The following PDE1C variants were observed in gnomAD, a reference collection of about 807,000 sequenced individuals.
The protein encoded by PDE1C is dual specificity calcium/calmodulin-dependent 3',5'-cyclic nucleotide phosphodiesterase 1C.
A neutral mutation model predicts 93.1 loss-of-function variants in PDE1C; 62 were observed. That is an observed-to-expected ratio of 0.67 (90% CI 0.54 to 0.82). The LOEUF (loss-of-function observed/expected upper bound fraction) is 0.82. PDE1C is among the 40% of genes least tolerant of loss of function. The pLI is 0.00. For synonymous variants in PDE1C, 325 were observed against 310.1 expected (o/e 1.05, Z -0.50); for missense variants, 742 against 884.6 (o/e 0.84, Z 2.04).
At chr7:31,878,605 G>C (rs1030903471) in intron 4 of PDE1C, among the ~76,000 whole-genome samples, 21 of 152,106 alleles carry the variant, frequency 1.4e-4, no homozygotes, top group African/African-American at 5.1e-4. Flanking sequence ...GAAGTGTCTT[G>C]GGGACTTCAA....
the PDE1C span, among the ~76,000 whole-genome samples, chr7:31,665,979 T>C: frequency 5.9e-5 from 9 of 152,274 alleles, no homozygotes; most frequent in South Asian, 1.9e-3. Context: ...TGGAAAAACC[T>C]AAAGATTAGG....
At chr7:32,257,802 C>T (rs558916725) in intron 1 of PDE1C, among the ~76,000 whole-genome samples, 1 of 152,226 alleles carries the variant, frequency 6.6e-6, no homozygotes, top group Admixed American at 6.5e-5. Flanking sequence ...CCAGCAAGGG[C>T]TCTGCCTGGT....
intron 2 of PDE1C, among the ~76,000 whole-genome samples, chr7:31,890,692 CT>C (rs1160153605): frequency 6.6e-6 from 1 of 152,102 alleles, no homozygotes; most frequent in Non-Finnish European, 1.5e-5. Flanking sequence ...ATTTCTACTT[CT>C]TTTTTCTTTT....
At chr7:31,869,084 A>G (rs1795629498) in intron 6 of PDE1C, among the ~76,000 whole-genome samples, 1 of 152,118 alleles carries the variant, frequency 6.6e-6, no homozygotes, top group Non-Finnish European at 1.5e-5. Context: ...ATCTACCATC[A>G]TGAAAATGCA....
chr7:32,397,290 G>A (rs1327580022), intron 1 of PDE1C, among the ~76,000 whole-genome samples: 1 of 152,010 alleles, frequency 6.6e-6, no homozygotes, highest in East Asian at 1.9e-4. Context: ...AAAAAAATAA[G>A]TAAAAGACAT....
In PDE1C at chr7:32,255,963, T is replaced by C. The variant is rs1585037105; in HGVS notation, c.85+42688A>G. Among the ~76,000 whole-genome samples the C allele has an allele frequency of 2.0e-5, 3 of 152,282 alleles. No homozygotes were observed. The South Asian group carries it at 6.2e-4, about 32-fold the overall frequency. ...GACACAATCCCACATGTGTTTTGGA[T>C]AAAGCACTGCAGCAACTGTGTGCAG... On this transcript the variant is annotated intron_variant, in intron 1 of 18. Coordinates refer to the PDE1C transcript ENST00000396193.
At chr7:31,926,632 T>C (rs925295510) in intron 2 of PDE1C, among the ~76,000 whole-genome samples, 1 of 151,916 alleles carries the variant, frequency 6.6e-6, no homozygotes, top group Non-Finnish European at 1.5e-5. Flanking sequence ...GTGCAGCCCA[T>C]AGTGGGCCAG....
chr7:31,643,952 C>T, the PDE1C span: 1 of 1,603,602 alleles, frequency 6.2e-7, no homozygotes, highest in Non-Finnish European at 8.5e-7. Flanking sequence ...GAGCTATGTT[C>T]CGTAAGTGTT....
chr7:31,643,869 G>T, the PDE1C span: 1 of 1,613,890 alleles, frequency 6.2e-7, no homozygotes, highest in Non-Finnish European at 8.5e-7. Context: ...GGCACTGCCT[G>T]TGTTCACTAA....
chr7:31,909,358 T>C (rs1800960938), intron 2 of PDE1C, among the ~76,000 whole-genome samples: 1 of 152,168 alleles, frequency 6.6e-6, no homozygotes, highest in South Asian at 2.1e-4. Flanking sequence ...CTTTACATAC[T>C]TAATAGGTGC....
chr7:32,313,681 C>G, intron 1 of PDE1C, among the ~76,000 whole-genome samples: 1 of 147,374 alleles, frequency 6.8e-6, no homozygotes, highest in East Asian at 2.0e-4. Context: ...CATGTTCTCA[C>G]TCATAGGTGG....
chr7:31,865,914 T>C (rs1350080482), intron 6 of PDE1C, among the ~76,000 whole-genome samples: 3 of 152,222 alleles, frequency 2.0e-5, no homozygotes, highest in Admixed American at 6.5e-5. Context: ...TATGTATTCA[T>C]TTATTTCTCA....
At chr7:32,171,291 T>C (rs975761594) in intron 2 of PDE1C, among the ~76,000 whole-genome samples, 2 of 152,068 alleles carry the variant, frequency 1.3e-5, no homozygotes, top group Admixed American at 6.6e-5. Flanking sequence ...TTGAAGAACC[T>C]GCGACAGAAC....
At chr7:32,232,443 G>T (rs1035504105) in intron 1 of PDE1C, among the ~76,000 whole-genome samples, 8 of 152,226 alleles carry the variant, frequency 5.3e-5, no homozygotes, top group Admixed American at 2.0e-4. Flanking sequence ...GTGGTCCCAA[G>T]ATAGTGGAGT....
chr7:31,742,633 T>G, the PDE1C span, among the ~76,000 whole-genome samples: 1 of 152,126 alleles, frequency 6.6e-6, no homozygotes, highest in African/African-American at 2.4e-5. Context: ...CGTTCCACAT[T>G]CTCAAAGATT....
the PDE1C span, among the ~76,000 whole-genome samples, chr7:31,623,779 G>C: frequency 1.3e-5 from 2 of 151,498 alleles, no homozygotes; most frequent in African/African-American, 4.9e-5. Flanking sequence ...AGGGCAATTA[G>C]GCAGGAGAAG....
chr7:31,985,509 G>A (rs1353538695), intron 2 of PDE1C, among the ~76,000 whole-genome samples: 2 of 152,038 alleles, frequency 1.3e-5, no homozygotes, highest in Admixed American at 6.6e-5. Flanking sequence ...TGCCATGTTG[G>A]TTTCCTGCAC....
At chr7:32,213,240 T>C (rs1477181480) in intron 1 of PDE1C, among the ~76,000 whole-genome samples, 1 of 152,142 alleles carries the variant, frequency 6.6e-6, no homozygotes, top group South Asian at 2.1e-4. Flanking sequence ...AGATTTCAAA[T>C]AGAAATACAT....
chr7:32,009,115 T>C (rs13232362), intron 2 of PDE1C, among the ~76,000 whole-genome samples: 1,920 of 152,252 alleles, frequency 0.013, 18 homozygotes, highest in Non-Finnish European at 0.017. Context: ...CATAAAACAA[T>C]GGCTTTCAAA....
Sources: allele counts gnomAD v4.1 joint callset (sites outside exome capture counted in the v4.1 genomes callset), GRCh38; gene constraint gnomAD v4.1.1; transcripts MANE v1.5; gene names NCBI Gene and HGNC (gene_info 2026-07-23, HGNC 2026-07-21).